Variants in SLC17A1 observed in about 807,000 individuals in gnomAD.
SLC17A1 encodes the protein sodium-dependent phosphate transport protein 1.
SLC17A1 carries 51 observed loss-of-function variants against 53.5 expected under a neutral mutation model. The observed-to-expected ratio is 0.95, with a 90% CI of 0.76 to 1.20. The LOEUF is 1.20. Ranked by LOEUF, SLC17A1 falls within the 50% of genes most tolerant of loss-of-function variation. The probability of loss-of-function intolerance (pLI) is 0.00; values close to 1 mark genes in which losing one functional copy is unlikely to be tolerated. For synonymous variants in SLC17A1, 179 were observed against 198.8 expected, an observed-to-expected ratio of 0.90 and a Z score of 0.84; for missense variants, 538 against 568.2, an observed-to-expected ratio of 0.95 and a Z score of 0.54.
chr6:25,803,436 T>G (rs1763851779), intron 10 of SLC17A1, among the ~76,000 whole-genome samples: 1 of 152,116 alleles, frequency 6.6e-6, no homozygotes, highest in Non-Finnish European at 1.5e-5. Context: ...CTGTTCATAT[T>G]GGATTTATGT....
At chr6:25,756,788 T>C in the SLC17A1 span, among the ~76,000 whole-genome samples, 2 of 152,184 alleles carry the variant, frequency 1.3e-5, no homozygotes, top group South Asian at 4.1e-4. Context: ...ATTCAATAAA[T>C]ATTTACTGAA....
At chr6:25,753,981 C>T in the SLC17A1 span, among the ~76,000 whole-genome samples, 1 of 152,022 alleles carries the variant, frequency 6.6e-6, no homozygotes, top group East Asian at 1.9e-4. Flanking sequence ...AAGGAACAAC[C>T]AATGAGACAC....
At chr6:25,785,260 T>C (rs1322162585) in intron 12 of SLC17A1, among the ~76,000 whole-genome samples, 1 of 152,146 alleles carries the variant, frequency 6.6e-6, no homozygotes, top group Non-Finnish European at 1.5e-5. Context: ...GAAGCTGTCT[T>C]AGCTAAGGCT....
the SLC17A1 span, among the ~76,000 whole-genome samples, chr6:25,747,896 T>G: frequency 6.6e-6 from 1 of 151,988 alleles, no homozygotes; most frequent in Non-Finnish European, 1.5e-5. Flanking sequence ...CAGCCCAAAT[T>G]GACTAAGATG....
downstream of SLC17A1, chr6:25,778,996 G>T: frequency 1.3e-6 from 2 of 1,598,212 alleles, no homozygotes; most frequent in Non-Finnish European, 1.7e-6. Flanking sequence ...AAGCCTTTCT[G>T]AACCAAGAGG....
chr6:25,759,650 C>T, the SLC17A1 span, among the ~76,000 whole-genome samples: 2 of 152,134 alleles, frequency 1.3e-5, no homozygotes, highest in Non-Finnish European at 2.9e-5. Flanking sequence ...GAGACTCCGT[C>T]TCAAAAAACA....
chr6:25,828,733 A>G (rs1408407577), intron 2 of SLC17A1, among the ~76,000 whole-genome samples: 2 of 152,156 alleles, frequency 1.3e-5, no homozygotes, highest in Non-Finnish European at 2.9e-5. Flanking sequence ...TGAATTTTAT[A>G]TCATTTTGCA....
chr6:25,794,279 G>A (rs1189918949), intron 12 of SLC17A1, among the ~76,000 whole-genome samples: 1 of 152,182 alleles, frequency 6.6e-6, no homozygotes, highest in African/African-American at 2.4e-5. Flanking sequence ...CACTAGGATA[G>A]CCTCTTTCCT....
At chr6:25,732,908 C>A in the SLC17A1 span, 1 of 216,188 alleles carries the variant, frequency 4.6e-6, no homozygotes, top group Non-Finnish European at 9.0e-6. Flanking sequence ...AAACAAAAAC[C>A]CCAAAGCTGA....
At chr6:25,729,849 G>A in the SLC17A1 span, among the ~76,000 whole-genome samples, 9 of 151,912 alleles carry the variant, frequency 5.9e-5, no homozygotes, top group African/African-American at 1.9e-4. Context: ...TTGAGCATCC[G>A]TAATCCAAAA....
At chr6:25,778,024 C>G, downstream of SLC17A1, 1 of 1,516,812 alleles carries the variant, frequency 6.6e-7, no homozygotes, top group African/African-American at 1.4e-5. Flanking sequence ...CAGGTGAGGT[C>G]AAATGTTCTG....
chr6:25,727,396 A>AG, the SLC17A1 span: 11 of 933,500 alleles, frequency 1.2e-5, no homozygotes, highest in East Asian at 3.0e-5. Context: ...TCTAACCGTA[A>AG]GGGTTTTTTT....
At chr6:25,737,485 G>A in the SLC17A1 span, among the ~76,000 whole-genome samples, 2 of 152,024 alleles carry the variant, frequency 1.3e-5, no homozygotes, top group African/African-American at 4.8e-5. Flanking sequence ...GTTAGTTTGA[G>A]TAGTAATAAA....
In SLC17A1 at chr6:25,830,570, T is replaced by C. The variant is rs1180398770; in HGVS notation, c.-13A>G. On this transcript the variant is annotated 5_prime_UTR_variant, in exon 2 of 13. Transcript: ENST00000244527. ...TATCCATTTGCATACACGGCTGAAG[T>C]TGCTTCTCTTCTTGCTGAAGGGTTT... The C allele has an allele frequency of 3.7e-6, 6 of 1,613,694 alleles. No individual in the cohort carries two copies. The highest frequency in any genetic ancestry group is 4.2e-6 in the Non-Finnish European group (5 of 1,179,768).
At chr6:25,726,395 CT>C in the SLC17A1 span, 1 of 1,614,070 alleles carries the variant, frequency 6.2e-7, no homozygotes, top group Non-Finnish European at 8.5e-7. Context: ...GCGCCTGCCC[CT>C]ATCCGCTCTG....
chr6:25,788,479 G>A (rs998258218), intron 12 of SLC17A1, among the ~76,000 whole-genome samples: 1 of 152,174 alleles, frequency 6.6e-6, no homozygotes, highest in Admixed American at 6.5e-5. Flanking sequence ...CCCAGTGAGA[G>A]GTGTTAGAGC....
the SLC17A1 span, among the ~76,000 whole-genome samples, chr6:25,737,685 A>G: frequency 0.01 from 1,552 of 152,288 alleles, 9 homozygotes; most frequent in Non-Finnish European, 0.016. Context: ...TGGAAATAAA[A>G]GTTACTGCCT....
chr6:25,773,837 A>G, the SLC17A1 span, among the ~76,000 whole-genome samples: 1 of 152,088 alleles, frequency 6.6e-6, no homozygotes, highest in South Asian at 2.1e-4. Flanking sequence ...ATTCTGATTG[A>G]TCTCAATGTG....
the SLC17A1 span, among the ~76,000 whole-genome samples, chr6:25,725,959 C>T: frequency 0.024 from 3,715 of 152,296 alleles, 114 homozygotes; most frequent in African/African-American, 0.067. Flanking sequence ...ATTCAGTCCC[C>T]GTACATTCCC....
Sources: allele counts gnomAD v4.1 joint callset (sites outside exome capture counted in the v4.1 genomes callset), GRCh38; gene constraint gnomAD v4.1.1; transcripts MANE v1.5; gene names NCBI Gene and HGNC (gene_info 2026-07-23, HGNC 2026-07-21).